The following RAB19 variants were observed in gnomAD, a reference collection of about 807,000 sequenced individuals.
RAB19 encodes the protein ras-related protein Rab-19.
RAB19 carries 21 observed loss-of-function variants against 17.3 expected under a neutral mutation model. The observed-to-expected ratio is 1.21, with a 90% CI of 0.86 to 1.74. The LOEUF is 1.74. Among genes scored for constraint, RAB19 ranks in the 40% most tolerant of loss-of-function variants. The pLI is 0.00. For missense variants in RAB19, 277 were observed against 286.8 expected (o/e 0.97, Z 0.25); for synonymous variants, 126 against 110.4 (o/e 1.14, Z -0.88).
At chr7:140,422,250 G>A (rs1414479141) in intron 3 of RAB19, among the ~76,000 whole-genome samples, 3 of 152,004 alleles carry the variant, frequency 2.0e-5, no homozygotes, top group Non-Finnish European at 2.9e-5. Context: ...TTAGCTGGGC[G>A]TCGTGGTGGG....
rs745613983 is a variant in RAB19 at position 140,407,848 on chromosome 7, G to A, written c.201+1G>A. 1 of 1,595,528 alleles carries A rather than the reference G, an allele frequency of 6.3e-7. No individual in the cohort carries two copies. The highest frequency in any genetic ancestry group is 2.2e-5 in the East Asian group (1 of 44,518). On this transcript the variant is annotated splice_donor_variant, in intron 2 of 3. Transcript: ENST00000537763. LOFTEE classifies it high-confidence loss of function. ...TGATATTGACGGCAAAAAAGTGAAG[G>A]TCAGAGGGCACCGGGACGGGACTGG...
chr7:140,421,480 C>A (rs936479598), intron 3 of RAB19, among the ~76,000 whole-genome samples: 3 of 152,164 alleles, frequency 2.0e-5, no homozygotes, highest in African/African-American at 7.2e-5. Context: ...ATGCCTCAGC[C>A]TCCCAAGTAG....
chr7:140,425,705 CA>C, intron 3 of RAB19, among the ~76,000 whole-genome samples, 176 bp from the exon 4 acceptor site: 1 of 147,302 alleles, frequency 6.8e-6, no homozygotes, highest in South Asian at 2.1e-4. Flanking sequence ...GCCTGGGCGA[CA>C]AGAGTGAAAC....
chr7:140,407,962 T>G, intron 2 of RAB19, 115 bp downstream of exon 2: 1 of 821,702 alleles, frequency 1.2e-6, no homozygotes, highest in East Asian at 2.7e-5. Flanking sequence ...CCTCCCGGGT[T>G]CATGCCATTC....
chr7:140,418,828 C>T (rs533506449), intron 3 of RAB19, among the ~76,000 whole-genome samples: 29 of 146,978 alleles, frequency 2.0e-4, no homozygotes, highest in African/African-American at 7.1e-4. Context: ...CACTGCACCA[C>T]AGCCTGGGTG....
Position 140,426,445 on chromosome 7 carries a change from T to C in RAB19, c.*295T>C, listed in dbSNP as rs1799673729. ...AAGTGTACTCTTCTCCCCTTTCACT[T>C]TTCTGTCTCCCTAGAGCTTCTGCTG... On this transcript the variant is annotated 3_prime_UTR_variant, in exon 4 of 4. Transcript: ENST00000537763. Among the ~76,000 whole-genome samples the C allele has an allele frequency of 1.3e-5, 2 of 152,194 alleles. No homozygotes were observed. Among genetic ancestry groups the C allele is most frequent in the South Asian group, 4.1e-4 (2 of 4,832 alleles).
chr7:140,422,985 G>A (rs1399850293), intron 3 of RAB19, among the ~76,000 whole-genome samples: 1 of 151,780 alleles, frequency 6.6e-6, no homozygotes, highest in Non-Finnish European at 1.5e-5. Context: ...GTGTATGCCT[G>A]TAATCCCAGT....
chr7:140,420,190 G>A (rs535761006), intron 3 of RAB19, among the ~76,000 whole-genome samples: 4 of 152,178 alleles, frequency 2.6e-5, no homozygotes, highest in Non-Finnish European at 5.9e-5. Context: ...GGAGGCCGAG[G>A]CAGGTGGATC....
intron 2 of RAB19, among the ~76,000 whole-genome samples, chr7:140,408,168 A>T (rs1382533130): frequency 6.6e-6 from 1 of 151,534 alleles, no homozygotes; most frequent in African/African-American, 2.4e-5. Context: ...TACAGGTGTG[A>T]GCCACCGCGC....
chr7:140,408,904 G>A (rs1799298667), intron 2 of RAB19, among the ~76,000 whole-genome samples: 1 of 152,106 alleles, frequency 6.6e-6, no homozygotes, highest in Non-Finnish European at 1.5e-5. Context: ...GACCACAGGT[G>A]CACCCCACCA....
chr7:140,426,375 T>G lies in RAB19; in HGVS notation c.*225T>G, dbSNP rs1014537494. 5 of 536,210 alleles carry G rather than the reference T, an allele frequency of 9.3e-6. No individual in the cohort carries two copies. Among genetic ancestry groups the G allele is most frequent in the Non-Finnish European group, 1.6e-5 (5 of 307,858 alleles). The allele number at this position is 536,210 out of a possible 1,614,324, so 33.2% of individuals were successfully genotyped here. A position where few individuals can be genotyped will look rare whatever the true frequency, so the allele number is the denominator to read the frequency against. On this transcript the variant is annotated 3_prime_UTR_variant, in exon 4 of 4. Coordinates refer to ENST00000537763, the MANE Select transcript of RAB19 (RefSeq NM_001008749.3). The stretch of plus-strand genomic sequence containing the variant: ...CAGCACCATTGTTTTCACTGACTCT[T>G]GACTCCTGGAGAAGGCAGGACTTCA...
At chr7:140,405,177 G>A (rs1365787188) in intron 1 of RAB19, among the ~76,000 whole-genome samples, 1 of 151,274 alleles carries the variant, frequency 6.6e-6, no homozygotes, top group African/African-American at 2.4e-5. Flanking sequence ...GAGGGGAGGG[G>A]AGGGAAGAGA....
chr7:140,406,224 G>A (rs1191986747), intron 1 of RAB19, among the ~76,000 whole-genome samples: 2 of 142,362 alleles, frequency 1.4e-5, no homozygotes, highest in Non-Finnish European at 3.0e-5. Context: ...TTCCAGCCTG[G>A]GCAAGAAGAG....
In RAB19 at chr7:140,404,087, G is replaced by C. The variant is rs1799190816; in HGVS notation, c.-154G>C. Reference sequence around the variant, plus strand: ...TCTCAGGACGCCAAACCCGACACCTGGGGCCAGAACTACACTTCCCACCAA... The same window carrying C: ...TCTCAGGACGCCAAACCCGACACCTCGGGCCAGAACTACACTTCCCACCAA... On this transcript the variant is annotated 5_prime_UTR_variant, in exon 1 of 4. Transcript: ENST00000537763. 1 of 152,244 alleles carries C rather than the reference G, an allele frequency of 6.6e-6. No homozygotes were observed. The highest frequency in any genetic ancestry group is 6.6e-5 in the Admixed American group (1 of 15,246). The allele number at this position is 152,244 out of a possible 1,614,324, so 9.4% of individuals were successfully genotyped here. A position where few individuals can be genotyped will look rare whatever the true frequency, so the allele number is the denominator to read the frequency against.
intron 1 of RAB19, among the ~76,000 whole-genome samples, chr7:140,406,929 A>T (rs1186877495): frequency 6.6e-5 from 10 of 151,118 alleles, no homozygotes; most frequent in Non-Finnish European, 1.0e-4. Flanking sequence ...CTTGTTGCCC[A>T]GGCTGGAGTG....
At chr7:140,425,517 G>A (rs974813422) in intron 3 of RAB19, among the ~76,000 whole-genome samples, 1 of 151,934 alleles carries the variant, frequency 6.6e-6, no homozygotes, top group African/African-American at 2.4e-5. Context: ...CTGAGGTCAG[G>A]AGTACAAGAC....
At chr7:140,418,695 C>CA (rs1799506419) in intron 3 of RAB19, among the ~76,000 whole-genome samples, 1 of 151,416 alleles carries the variant, frequency 6.6e-6, no homozygotes. Context: ...CCGATCTCTA[C>CA]AAAAAAATTA....
chr7:140,408,862 G>A (rs1039783434), intron 2 of RAB19, among the ~76,000 whole-genome samples: 4 of 151,996 alleles, frequency 2.6e-5, no homozygotes, highest in East Asian at 1.9e-4. Flanking sequence ...CGACTCAAGC[G>A]ATCCTCTCAC....
At chr7:140,421,011 G>A (rs1799552803) in intron 3 of RAB19, among the ~76,000 whole-genome samples, 1 of 151,518 alleles carries the variant, frequency 6.6e-6, no homozygotes, top group Non-Finnish European at 1.5e-5. Context: ...TCCTGCCTCA[G>A]CCTCCTGAGT....
Sources: gnomAD v4.1 joint callset for allele counts (sites outside exome capture counted in the v4.1 genomes callset) on GRCh38, gnomAD v4.1.1 for gene constraint, MANE v1.5 for transcripts, NCBI Gene and HGNC (gene_info 2026-07-23, HGNC 2026-07-21) for gene names.